The following MPDZ variants were observed in gnomAD, a reference collection of about 807,000 sequenced individuals.
The protein encoded by MPDZ is multiple PDZ domain protein.
Under a neutral mutation model 239.1 loss-of-function variants are expected in MPDZ, and 234 were observed. That is an observed-to-expected ratio of 0.98 (90% CI 0.88 to 1.09). The LOEUF (loss-of-function observed/expected upper bound fraction) is 1.09, where lower values mean the gene tolerates loss of function less well. Among genes scored for constraint, MPDZ ranks in the 50% least tolerant of loss-of-function variants. The pLI is 0.00. For synonymous variants in MPDZ, 1,048 were observed against 881.3 expected, an observed-to-expected ratio of 1.19 and a Z score of -3.35; for missense variants, 3,175 against 2,510.0, an observed-to-expected ratio of 1.26 and a Z score of -5.66.
intron 3 of MPDZ, among the ~76,000 whole-genome samples, chr9:13,239,403 C>T (rs746081137): frequency 5.3e-5 from 8 of 152,124 alleles, no homozygotes; most frequent in Admixed American, 1.3e-4. Context: ...ATCATATTAC[C>T]GACTTTATAG....
chr9:13,243,363 CT>C lies in MPDZ; in HGVS notation c.183+4271del, dbSNP rs74311424. 7.1e-3 allele frequency among the ~76,000 whole-genome samples: 1,001 copies of C among 141,362 alleles called. 3 individuals carry two copies. The highest frequency in any genetic ancestry group is 0.016 in the African/African-American group (632 of 38,938). The allele number at this position is 141,362 out of a possible 152,430, so 92.7% of individuals were successfully genotyped here. On this transcript the variant is annotated intron_variant, in intron 3 of 46. Coordinates refer to ENST00000319217, the MANE Select transcript of MPDZ (RefSeq NM_001378778.1). Reference sequence around the variant, plus strand: ...AATACATAGTCCTTCAGTTCTATCTCTTTTTTTTTTTTTGCTTTGCTTCTAG... The same window carrying C: ...AATACATAGTCCTTCAGTTCTATCTCTTTTTTTTTTTTGCTTTGCTTCTAG...
rs770173364 is a variant in MPDZ at position 13,115,327 on chromosome 9, A to G, written c.5387T>C (p.Leu1796Pro). The change falls in exon 40 of 47, where the codon CTA becomes CCA. Residue 1796 changes from leucine (L) to proline (P), a missense_variant. By Grantham distance (98) the Leu-to-Pro change is moderately conservative. Transcript: ENST00000319217. ...EAVAALLKCS[L>P]GTVTLEVGRI... Reference sequence around the variant, plus strand: ...TCCAACTTCCAAGGTTACTGTGCCTAGGGAACACTGGGGGTGGGCATGGGG... The same window carrying G: ...TCCAACTTCCAAGGTTACTGTGCCTGGGGAACACTGGGGGTGGGCATGGGG... 3 of 1,611,828 alleles carry G rather than the reference A, an allele frequency of 1.9e-6. No homozygotes were observed. Among genetic ancestry groups the G allele is most frequent in the Non-Finnish European group, 2.5e-6 (3 of 1,179,130 alleles).
At chr9:13,212,536 C>T (rs531019210) in intron 10 of MPDZ, among the ~76,000 whole-genome samples, 1 of 151,834 alleles carries the variant, frequency 6.6e-6, no homozygotes, top group South Asian at 2.1e-4. Flanking sequence ...GTCACGAAGC[C>T]TAAGGGGTCC....
intron 35 of MPDZ, among the ~76,000 whole-genome samples, chr9:13,124,678 C>G (rs1944860934): frequency 6.6e-6 from 1 of 152,166 alleles, no homozygotes; most frequent in Non-Finnish European, 1.5e-5. Context: ...CCCACTATTA[C>G]ACCTAAAGCA....
intron 16 of MPDZ, 61 bp from the exon 17 acceptor site, chr9:13,189,054 G>A (rs754896138): frequency 5.1e-5 from 74 of 1,450,614 alleles, no homozygotes; most frequent in African/African-American, 1.4e-4. Flanking sequence ...TCTACAGGTC[G>A]TCCACTCTAA....
intron 31 of MPDZ, chr9:13,135,187 A>G (rs2132204395): frequency 6.6e-6 from 1 of 152,366 alleles, no homozygotes; most frequent in South Asian, 2.1e-4. Flanking sequence ...TCAGTAAAAG[A>G]CAGCCATCCC....
chr9:13,143,423 T>C, intron 27 of MPDZ, 43 bp downstream of exon 27: 1 of 1,441,468 alleles, frequency 6.9e-7, no homozygotes, highest in East Asian at 2.3e-5. Context: ...AACAAAACAT[T>C]TGCAAAAGGC....
intron 32 of MPDZ, among the ~76,000 whole-genome samples, chr9:13,128,963 C>T (rs754779430): frequency 2.0e-5 from 3 of 152,122 alleles, no homozygotes; most frequent in Non-Finnish European, 4.4e-5. Flanking sequence ...GACCAACTAC[C>T]CTTGAAGGTT....
chr9:13,195,706 G>GGAAAAGAAAGAGTA (rs1324348912), intron 13 of MPDZ, among the ~76,000 whole-genome samples: 7 of 151,986 alleles, frequency 4.6e-5, no homozygotes, highest in African/African-American at 1.7e-4. Flanking sequence ...ACATAGGAGT[G>GGAAAAGAAAGAGTA]GAAAAGAAAG....
intron 10 of MPDZ, among the ~76,000 whole-genome samples, chr9:13,216,297 G>GTT (rs760415670): frequency 2.8e-5 from 4 of 141,118 alleles, no homozygotes; most frequent in Middle Eastern, 3.8e-3. Flanking sequence ...AAGAAGCTAG[G>GTT]TTTTTTTTTT....
chr9:13,128,040 T>G (rs1166871566), intron 32 of MPDZ, among the ~76,000 whole-genome samples: 1 of 152,142 alleles, frequency 6.6e-6, no homozygotes, highest in African/African-American at 2.4e-5. Flanking sequence ...CTATAAAAAT[T>G]GATTTTTATT....
At chr9:13,237,147 C>A (rs887274951) in intron 3 of MPDZ, among the ~76,000 whole-genome samples, 3 of 151,730 alleles carry the variant, frequency 2.0e-5, no homozygotes, top group Non-Finnish European at 4.4e-5. Flanking sequence ...TTCCATGCTT[C>A]AAAATGGTAA....
chr9:13,205,962 G>T lies in MPDZ; in HGVS notation c.1428C>A (p.Val476=). ...QEAELMSRED[V]TKDADLSPVN... ...CAGGAGACAAATCTGCATCTTTTGTGACGTCTTCCCTTGACATGAGCTCGG... is the reference window on the plus strand; with the variant it reads ...CAGGAGACAAATCTGCATCTTTTGTTACGTCTTCCCTTGACATGAGCTCGG... Residue 476 remains valine, a synonymous_variant, in exon 11 of 47, where the codon GTC becomes GTA. Transcript: ENST00000319217. 2 of 1,608,958 alleles carry T rather than the reference G, an allele frequency of 1.2e-6. No individual in the cohort carries two copies. Among genetic ancestry groups the T allele is most frequent in the Non-Finnish European group, 1.7e-6 (2 of 1,178,252 alleles).
intron 19 of MPDZ, among the ~76,000 whole-genome samples, chr9:13,181,532 ATG>A (rs1563974627): frequency 6.6e-6 from 1 of 152,196 alleles, no homozygotes; most frequent in African/African-American, 2.4e-5. Context: ...GAGTTTCACA[ATG>A]TGTTTTAAAA....
At chr9:13,230,284 T>A (rs1204600963) in intron 3 of MPDZ, among the ~76,000 whole-genome samples, 3 of 152,092 alleles carry the variant, frequency 2.0e-5, no homozygotes, top group Admixed American at 1.3e-4. Context: ...CCATACAATC[T>A]AGCAATTGCA....
At chr9:13,120,236 T>C in intron 38 of MPDZ, 1 of 151,956 alleles carries the variant, frequency 6.6e-6, no homozygotes, top group East Asian at 1.9e-4. Flanking sequence ...TCCCATCCTT[T>C]CTTTCACAAA....
At chr9:13,279,263 A>ACCCCCACCCCCC (rs1564192276) in intron 1 of MPDZ, 137 bp downstream of exon 1, 2 of 34,460 alleles carry the variant, frequency 5.8e-5, no homozygotes, top group Admixed American at 2.0e-4. Context: ...CCCCACCCCC[A>ACCCCCACCCCCC]CCCCCACCCC....
intron 43 of MPDZ, among the ~76,000 whole-genome samples, chr9:13,111,407 G>C (rs1457103625): frequency 6.6e-6 from 1 of 152,134 alleles, no homozygotes; most frequent in Non-Finnish European, 1.5e-5. Context: ...ACTAAAATGT[G>C]GTTATGTTCT....
chr9:13,193,304 C>T lies in MPDZ; in HGVS notation c.1666G>A (p.Val556Met), dbSNP rs148348858. The T allele has an allele frequency of 7.5e-6, 12 of 1,590,346 alleles. No individual in the cohort carries two copies. Among genetic ancestry groups the T allele is most frequent in the Non-Finnish European group, 8.5e-6 (10 of 1,169,950 alleles). Reference protein sequence around the residue: ...GINYEIVVAHVSKFSENSGLG... With the variant: ...GINYEIVVAHMSKFSENSGLG... ...CCACTGTTCTCACTAAACTTGCTCA[C>T]ATGGGCCACCTGAAAAGAAAAAAAA... is the stretch of plus-strand genomic sequence containing the variant. Residue 556 changes from valine (V) to methionine (M), a missense_variant, in exon 14 of 47, where the codon GTG becomes ATG. Physicochemically the swap from Val to Met is conservative, Grantham distance 21. Transcript: ENST00000319217.
Sources: allele counts gnomAD v4.1 joint callset (sites outside exome capture counted in the v4.1 genomes callset), GRCh38; gene constraint gnomAD v4.1.1; transcripts MANE v1.5; gene names NCBI Gene and HGNC (gene_info 2026-07-23, HGNC 2026-07-21).